The following HPR variants were observed in gnomAD, a reference collection of about 807,000 sequenced individuals.
The protein encoded by HPR is haptoglobin-related protein.
Under a neutral mutation model 18.5 loss-of-function variants are expected in HPR, and 17 were observed. The observed-to-expected ratio is 0.92, with a 90% confidence interval of 0.63 to 1.38. HPR has a LOEUF of 1.38. Ranked by LOEUF, HPR falls within the 40% of genes most tolerant of loss-of-function variation. The probability of loss-of-function intolerance (pLI) is 0.00; values close to 1 mark genes in which losing one functional copy is unlikely to be tolerated. For missense variants in HPR, 457 were observed against 432.4 expected, an observed-to-expected ratio of 1.06 and a Z score of -0.51; for synonymous variants, 176 against 165.0, an observed-to-expected ratio of 1.07 and a Z score of -0.51.
chr16:72,065,633 T>C (rs867157913), intron 1 of HPR, among the ~76,000 whole-genome samples: 1 of 152,156 alleles, frequency 6.6e-6, no homozygotes. Flanking sequence ...AAACCCTCAA[T>C]CTTCTGGCCA....
At chr16:72,076,097 G>C (rs1342758098) in intron 4 of HPR, among the ~76,000 whole-genome samples, 3 of 152,094 alleles carry the variant, frequency 2.0e-5, no homozygotes, top group Non-Finnish European at 2.9e-5. Context: ...TCCTTATTTA[G>C]AAATAGAGCT....
chr16:72,071,068 C>A, intron 1 of HPR, among the ~76,000 whole-genome samples: 1 of 151,986 alleles, frequency 6.6e-6, no homozygotes, highest in South Asian at 2.1e-4. Context: ...TGTTACAAAA[C>A]AAAATCCCAT....
intron 1 of HPR, among the ~76,000 whole-genome samples, chr16:72,069,521 C>T (rs1413080702): frequency 1.3e-5 from 2 of 151,954 alleles, no homozygotes; most frequent in Non-Finnish European, 2.9e-5. Context: ...AGGAGAAGAC[C>T]AGAATGAAAA....
At chr16:72,072,260 G>A (rs1372230997) in intron 1 of HPR, among the ~76,000 whole-genome samples, 3 of 152,038 alleles carry the variant, frequency 2.0e-5, no homozygotes, top group Non-Finnish European at 4.4e-5. Context: ...TGCCTGCCTC[G>A]GCCTCCCAAA....
At chr16:72,075,483 T>C (rs1399312315) in intron 4 of HPR, among the ~76,000 whole-genome samples, 2 of 152,214 alleles carry the variant, frequency 1.3e-5, no homozygotes. Flanking sequence ...AGCCTGTGCA[T>C]ACAGAGAGCC....
At chr16:72,075,266 C>T (rs545521518) in intron 4 of HPR, 47 bp downstream of exon 4, 67 of 1,053,396 alleles carry the variant, frequency 6.4e-5, no homozygotes, top group African/African-American at 1.1e-4. Context: ...AGGCGTCCAG[C>T]GGGGAACGTC....
intron 1 of HPR, among the ~76,000 whole-genome samples, chr16:72,064,743 GTTC>G (rs1786671004): frequency 6.6e-6 from 1 of 152,200 alleles, no homozygotes; most frequent in Non-Finnish European, 1.5e-5. Context: ...CTCAGTGTTG[GTTC>G]TTCTTTGCAG....
In HPR at chr16:72,073,927, G is replaced by C. The variant is rs2041686265; in HGVS notation, c.41G>C (p.Gly14Ala). Reference protein sequence around the residue: ...LGAVISLLLWGRQLFALYSGN... With the variant: ...LGAVISLLLWARQLFALYSGN... ...GCTGTCATTTCCCTCCTGCTCTGGG[G>C]ACGACAGCTTTTTGCACTGTACTCA... The change falls in exon 2 of 5, where the codon GGA becomes GCA. Residue 14 changes from glycine (G) to alanine (A), a missense_variant. Coordinates refer to ENST00000540303, the MANE Select transcript of HPR (RefSeq NM_020995.4). 6.2e-7 allele frequency: 1 copy of C among 1,613,896 alleles called. No homozygotes were observed. The highest frequency in any genetic ancestry group is 8.5e-7 in the Non-Finnish European group (1 of 1,180,012).
chr16:72,074,161 G>T, intron 2 of HPR, 123 bp from the exon 3 acceptor site: 1 of 1,253,816 alleles, frequency 8.0e-7, no homozygotes, highest in Non-Finnish European at 1.2e-6. Flanking sequence ...TTGAGCTTTC[G>T]TTGGCTTCTA....
At chr16:72,075,871 G>A (rs1170557062) in intron 4 of HPR, among the ~76,000 whole-genome samples, 7 of 141,912 alleles carry the variant, frequency 4.9e-5, no homozygotes, top group East Asian at 2.1e-4. Flanking sequence ...TGCTCTCGTC[G>A]CCTAGGCTGG....
At chr16:72,075,939 T>C (rs867265265) in intron 4 of HPR, among the ~76,000 whole-genome samples, 14 of 151,822 alleles carry the variant, frequency 9.2e-5, no homozygotes, top group Middle Eastern at 6.8e-3. Flanking sequence ...CCTCCCAAAG[T>C]GCTGGGATTA....
intron 2 of HPR, 152 bp from the exon 3 acceptor site, chr16:72,074,132 T>C: frequency 1.6e-6 from 2 of 1,244,390 alleles, no homozygotes; most frequent in Non-Finnish European, 2.3e-6. Context: ...TTGGGGATCC[T>C]GCCAGAAATG....
chr16:72,072,014 ATTT>A (rs577342872), intron 1 of HPR, among the ~76,000 whole-genome samples: 1 of 147,288 alleles, frequency 6.8e-6, no homozygotes, highest in Non-Finnish European at 1.5e-5. Flanking sequence ...ACCAATGATG[ATTT>A]TTTTTTTTTT....
Position 72,063,357 on chromosome 16 carries a change from A to T in HPR, c.5+97A>T, listed in dbSNP as rs112997229. 1.3e-5 allele frequency: 14 copies of T among 1,052,950 alleles called. No homozygotes were observed. In the African/African-American group the frequency reaches 1.5e-4, roughly 11 times the overall value. The allele number at this position is 1,052,950 out of a possible 1,614,324, so 65.2% of individuals were successfully genotyped here. A position where few individuals can be genotyped will look rare whatever the true frequency, so the allele number is the denominator to read the frequency against. On this transcript the variant is annotated intron_variant, in intron 1 of 4. Transcript: ENST00000540303. ...AGATGCAGAAATAGAACAAAGAAAC[A>T]GGGCAAATGGGCTAAATTATAGTGA...
intron 1 of HPR, among the ~76,000 whole-genome samples, chr16:72,067,772 T>A (rs1475709981): frequency 6.6e-6 from 1 of 152,108 alleles, no homozygotes; most frequent in Non-Finnish European, 1.5e-5. Context: ...AACACCCCAA[T>A]ACTGCCTGTC....
In HPR at chr16:72,075,194, A is replaced by G. The variant is rs771494562; in HGVS notation, c.243A>G (p.Gly81=). The part of the protein sequence containing the change: ...DKKQWINKAV[G]DKLPECEAVC... ...AGCAGTGGATAAATAAGGCTGTTGG[A>G]GATAAACTTCCTGAATGTGAAGCAG... is the stretch of plus-strand genomic sequence containing the variant. The change falls in exon 4 of 5, where the codon GGA becomes GGG. Residue 81 remains glycine (G), a synonymous_variant. Coordinates refer to ENST00000540303, the MANE Select transcript of HPR (RefSeq NM_020995.4). 1 of 1,475,842 alleles carries G rather than the reference A, an allele frequency of 6.8e-7. No individual in the cohort carries two copies. Among genetic ancestry groups the G allele is most frequent in the South Asian group, 1.2e-5 (1 of 83,768 alleles). 91.4% of individuals were successfully genotyped at this position (1,475,842 alleles called of 1,614,324 possible). A position where few individuals can be genotyped will look rare whatever the true frequency, so the allele number is the denominator to read the frequency against.
chr16:72,072,829 G>GA (rs2041671603), intron 1 of HPR, among the ~76,000 whole-genome samples: 1 of 152,088 alleles, frequency 6.6e-6, no homozygotes, highest in Admixed American at 6.5e-5. Context: ...AGGGTTTAAA[G>GA]AAAAAATACT....
intron 1 of HPR, among the ~76,000 whole-genome samples, chr16:72,068,171 A>G (rs2041617535): frequency 6.6e-6 from 1 of 152,212 alleles, no homozygotes; most frequent in Admixed American, 6.5e-5. Flanking sequence ...GTGAGGATAT[A>G]GAGAAAGAAG....
Position 72,074,403 on chromosome 16 carries a change from A to T in HPR, c.193+18A>T. 1 of 1,567,018 alleles carries T rather than the reference A, an allele frequency of 6.4e-7. No homozygotes were observed. The highest frequency in any genetic ancestry group is 1.1e-5 in the South Asian group (1 of 90,086). On this transcript the variant is annotated intron_variant, in intron 3 of 4. Transcript: ENST00000540303. The stretch of plus-strand genomic sequence containing the variant: ...AGGAGATGGTAAGACCTGGACAACT[A>T]TCTCTGTGCTCTACCTACAACCCCT...
Sources: gnomAD v4.1 joint callset for allele counts (sites outside exome capture counted in the v4.1 genomes callset) on GRCh38, gnomAD v4.1.1 for gene constraint, MANE v1.5 for transcripts, NCBI Gene and HGNC (gene_info 2026-07-23, HGNC 2026-07-21) for gene names.